ABCC3: variants seen among roughly 807,000 people sequenced by gnomAD.
ABCC3 encodes ATP-binding cassette sub-family C member 3.
A neutral mutation model predicts 165.3 loss-of-function variants in ABCC3; 121 were observed. The ratio of observed to expected loss-of-function variants is 0.73; its 90% confidence interval spans 0.63 to 0.85. The LOEUF (loss-of-function observed/expected upper bound fraction) is 0.85, where lower values mean the gene tolerates loss of function less well. Among genes scored for constraint, ABCC3 ranks in the 40% least tolerant of loss-of-function variants. The pLI is 0.00. For synonymous variants in ABCC3, 733 were observed against 810.1 expected, an observed-to-expected ratio of 0.90 and a Z score of 1.62; for missense variants, 1,869 against 1,964.1, an observed-to-expected ratio of 0.95 and a Z score of 0.92.
intron 19 of ABCC3, among the ~76,000 whole-genome samples, chr17:50,673,992 C>T (rs1437601676): frequency 0.47 from 6,180 of 13,090 alleles, 898 homozygotes; most frequent in South Asian, 0.59. Context: ...CTCTCTCTCT[C>T]TCTCTCTCTC....
chr17:50,671,806 C>T (rs1377143340), intron 17 of ABCC3, among the ~76,000 whole-genome samples: 3 of 149,634 alleles, frequency 2.0e-5, no homozygotes, highest in Non-Finnish European at 4.4e-5. Context: ...ACTGCAACCT[C>T]CGCCTCCCAG....
chr17:50,635,519 C>T, intron 1 of ABCC3: 2 of 702,586 alleles, frequency 2.8e-6, no homozygotes, highest in Non-Finnish European at 2.6e-6. Context: ...CTTCTTTTCT[C>T]TAGGTAAGAC....
rs376814354 is a variant in ABCC3 at position 50,676,067 on chromosome 17, A to G, written c.3044A>G (p.Tyr1015Cys). Reference protein sequence around the residue: ...QNNTSLRLGVYAALGILQGFL... With the variant: ...QNNTSLRLGVCAALGILQGFL... ...AACACTTCCCTGAGGCTGGGCGTCT[A>G]TGCTGCTTTAGGAATTCTGCAAGGT... The change falls in exon 22 of 31, where the codon TAT becomes TGT. Residue 1015 changes from tyrosine to cysteine, a missense_variant. By Grantham distance (194) the Tyr-to-Cys change is radical. Transcript: ENST00000285238. The G allele has an allele frequency of 6.2e-7, 1 of 1,614,158 alleles. No individual in the cohort carries two copies. The highest frequency in any genetic ancestry group is 8.5e-7 in the Non-Finnish European group (1 of 1,180,028).
intron 12 of ABCC3, 49 bp downstream of exon 12, chr17:50,667,806 C>A: frequency 1.2e-6 from 2 of 1,613,494 alleles, no homozygotes; most frequent in Non-Finnish European, 1.7e-6. Context: ...CTCTGGGTGC[C>A]CAGGCATGGC....
chr17:50,678,197 T>C lies in ABCC3; in HGVS notation c.3683T>C (p.Leu1228Pro). 6.5e-7 allele frequency: 1 copy of C among 1,535,360 alleles called. No homozygotes were observed. Among genetic ancestry groups the C allele is most frequent in the Non-Finnish European group, 8.8e-7 (1 of 1,142,762 alleles). The change falls in exon 25 of 31, where the codon CTT (leucine) becomes CCT (proline). Residue 1228 changes from leucine to proline, a missense_variant. By Grantham distance (98) the Leu-to-Pro change is moderately conservative (BLOSUM62 -3). Coordinates refer to ENST00000285238, the MANE Select transcript of ABCC3 (RefSeq NM_003786.4). ...RSSLNPGLVG[L>P]SVSYSLQVTF... is the part of the protein sequence containing the mutation. Reference sequence around the variant, plus strand: ...AGCCTGAACCCGGGGCTGGTGGGCCTTTCTGTGTCCTACTCCTTGCAGGTA... The same window carrying C: ...AGCCTGAACCCGGGGCTGGTGGGCCCTTCTGTGTCCTACTCCTTGCAGGTA...
Position 50,656,839 on chromosome 17 carries a change from G to T in ABCC3, c.348+12G>T. 6.3e-7 allele frequency: 1 copy of T among 1,596,354 alleles called. No homozygotes were observed. Among genetic ancestry groups the T allele is most frequent in the Non-Finnish European group, 8.5e-7 (1 of 1,173,306 alleles). ...TGGGGGTCACCATGGTCAGTGTGGGGCCCTGGGAAAGTGGATGGGGGAGGT... is the reference window on the plus strand; with the variant it reads ...TGGGGGTCACCATGGTCAGTGTGGGTCCCTGGGAAAGTGGATGGGGGAGGT... On this transcript the variant is annotated intron_variant, in intron 3 of 30. Transcript: ENST00000285238.
chr17:50,643,967 C>T (rs1966940719), intron 1 of ABCC3, among the ~76,000 whole-genome samples: 2 of 152,138 alleles, frequency 1.3e-5, no homozygotes, highest in African/African-American at 2.4e-5. Flanking sequence ...AGAGCCATCT[C>T]GCAGGTGGGC....
chr17:50,647,987 T>C (rs1967036079), intron 1 of ABCC3, among the ~76,000 whole-genome samples: 1 of 151,674 alleles, frequency 6.6e-6, no homozygotes, highest in African/African-American at 2.4e-5. Flanking sequence ...TGCTGTGAGC[T>C]GAGATCACAC....
chr17:50,659,369 G>A lies in ABCC3; in HGVS notation c.806+1G>A. 6.2e-7 allele frequency: 1 copy of A among 1,606,560 alleles called. No individual in the cohort carries two copies. Among genetic ancestry groups the A allele is most frequent in the Admixed American group, 1.7e-5 (1 of 59,830 alleles). ...GGAAGCAGGAAAAGCAGACGGCACG[G>A]TGAGGCCCTCCCCTTGCCCCAACAC... is the stretch of plus-strand genomic sequence containing the variant. On this transcript the variant is annotated splice_donor_variant, in intron 7 of 30. Coordinates refer to ENST00000285238, the MANE Select transcript of ABCC3 (RefSeq NM_003786.4). LOFTEE classifies it high-confidence loss of function.
chr17:50,663,747 G>A lies in ABCC3; in HGVS notation c.1065G>A (p.Leu355=). 11 of 1,614,220 alleles carry A rather than the reference G, an allele frequency of 6.8e-6. No individual in the cohort carries two copies. The highest frequency in any genetic ancestry group is 8.5e-6 in the Non-Finnish European group (10 of 1,180,040). The stretch of plus-strand genomic sequence containing the variant: ...GGTGGGGCTTCCTGGTGGCTGGGCT[G>A]ATGTTCCTGTGCTCCATGATGCAGT... ...PSWWGFLVAG[L]MFLCSMMQSL... The change falls in exon 9 of 31, where the codon CTG becomes CTA. Residue 355 remains leucine, a synonymous_variant. Coordinates refer to ENST00000285238, the MANE Select transcript of ABCC3 (RefSeq NM_003786.4).
At chr17:50,666,442 A>G (rs57180429) in intron 11 of ABCC3, among the ~76,000 whole-genome samples, 21,246 of 151,904 alleles carry the variant, frequency 0.14, 1,695 homozygotes, top group East Asian at 0.33. Context: ...TTGCACTCCC[A>G]CCTGGGCAAC....
intron 25 of ABCC3, 133 bp downstream of exon 25, chr17:50,678,352 AG>A: frequency 1.1e-6 from 1 of 895,094 alleles, no homozygotes. Context: ...AAGGACTGTG[AG>A]AAAAAAAAAA....
At chr17:50,664,943 G>A (rs1022563935) in intron 10 of ABCC3, among the ~76,000 whole-genome samples, 1 of 152,112 alleles carries the variant, frequency 6.6e-6, no homozygotes, top group African/African-American at 2.4e-5. Context: ...TATATCTGCT[G>A]TCTGTCCCTG....
chr17:50,688,034 C>G (rs1968055481), intron 30 of ABCC3, among the ~76,000 whole-genome samples: 1 of 151,756 alleles, frequency 6.6e-6, no homozygotes, highest in African/African-American at 2.4e-5. Context: ...GCCTCAGCCT[C>G]TCGAAGTACT....
At chr17:50,668,291 A>C in intron 13 of ABCC3, 139 bp from the exon 14 acceptor site, 2 of 712,578 alleles carry the variant, frequency 2.8e-6, no homozygotes, top group Non-Finnish European at 2.4e-6. Flanking sequence ...TGGAAGACTC[A>C]GTCGTGGGAG....
intron 26 of ABCC3, among the ~76,000 whole-genome samples, chr17:50,683,350 TAAAAA>T (rs1202475371): frequency 9.0e-6 from 1 of 111,528 alleles, no homozygotes; most frequent in Admixed American, 8.9e-5. Flanking sequence ...TCTCAAAAAT[TAAAAA>T]AAAAAAAAAA....
intron 19 of ABCC3, among the ~76,000 whole-genome samples, chr17:50,674,949 G>A (rs1234432245): frequency 2.0e-4 from 30 of 151,934 alleles, no homozygotes; most frequent in African/African-American, 3.1e-4. Flanking sequence ...ATAGGTGCCC[G>A]CCACCACGCC....
At chr17:50,671,527 T>C (rs1251329062) in intron 17 of ABCC3, among the ~76,000 whole-genome samples, 1 of 151,972 alleles carries the variant, frequency 6.6e-6, no homozygotes, top group Non-Finnish European at 1.5e-5. Flanking sequence ...AGGTAATTTA[T>C]AAAGAAAAGA....
intron 1 of ABCC3, among the ~76,000 whole-genome samples, chr17:50,638,294 C>G (rs547091957): frequency 1.3e-5 from 2 of 152,174 alleles, no homozygotes; most frequent in African/African-American, 2.4e-5. Context: ...ATTTACCCCC[C>G]GCCAGATAAA....
Sources: allele counts gnomAD v4.1 joint callset (sites outside exome capture counted in the v4.1 genomes callset), GRCh38; gene constraint gnomAD v4.1.1; transcripts MANE v1.5; gene names NCBI Gene and HGNC (gene_info 2026-07-23, HGNC 2026-07-21).